MBOAT2: variants seen among roughly 807,000 people sequenced by gnomAD.
The protein encoded by MBOAT2 is membrane-bound glycerophospholipid O-acyltransferase 2.
Under a neutral mutation model 63.4 loss-of-function variants are expected in MBOAT2, and 28 were observed. That is an observed-to-expected ratio of 0.44 (90% confidence interval 0.33 to 0.61). MBOAT2 has a LOEUF of 0.61. Ranked by LOEUF, MBOAT2 falls within the 20% of genes least tolerant of loss-of-function variation. MBOAT2 has a pLI of 0.03. For missense variants in MBOAT2, 470 were observed against 605.8 expected, an observed-to-expected ratio of 0.78 and a Z score of 2.35; for synonymous variants, 211 against 215.6, an observed-to-expected ratio of 0.98 and a Z score of 0.19.
chr2:8,940,206 G>C (rs769707673), intron 3 of MBOAT2, among the ~76,000 whole-genome samples: 13 of 152,134 alleles, frequency 8.5e-5, no homozygotes, highest in Non-Finnish European at 1.3e-4. Context: ...AATATAAAGA[G>C]AAGGAACGGA....
In MBOAT2 at chr2:8,873,295, C is replaced by T. The variant is rs370941926; in HGVS notation, c.696G>A (p.Ala232=). The T allele has an allele frequency of 4.9e-5, 79 of 1,611,940 alleles. No homozygotes were observed. The highest frequency in any genetic ancestry group is 3.3e-4 in the Middle Eastern group (2 of 6,070). Residue 232 remains alanine (A), a synonymous_variant, in exon 8 of 13, where the codon GCG becomes GCA. Transcript: ENST00000305997. Reference sequence around the variant, plus strand: ...CACAAACTAAGAGCTTCTGAACAACCGCAGTCTGAAAAGCGCAAGGCGAGA... The same window carrying T: ...CACAAACTAAGAGCTTCTGAACAACTGCAGTCTGAAAAGCGCAAGGCGAGA... The part of the protein sequence containing the change: ...YERTEPSPNT[A]VVQKLLVCGL...
intron 1 of MBOAT2, among the ~76,000 whole-genome samples, chr2:8,969,594 G>T (rs1334030184): frequency 6.6e-6 from 1 of 152,112 alleles, no homozygotes; most frequent in Non-Finnish European, 1.5e-5. Context: ...ACAGAGTCAA[G>T]ACCCACCAGT....
At chr2:8,872,070 C>A (rs1354716232) in intron 8 of MBOAT2, among the ~76,000 whole-genome samples, 2 of 152,210 alleles carry the variant, frequency 1.3e-5, no homozygotes, top group Non-Finnish European at 1.5e-5. Flanking sequence ...CTGCCTGAAG[C>A]CTTTTGTGGC....
At chr2:8,948,874 G>C (rs1437256206) in intron 2 of MBOAT2, among the ~76,000 whole-genome samples, 1 of 152,152 alleles carries the variant, frequency 6.6e-6, no homozygotes, top group African/African-American at 2.4e-5. Flanking sequence ...GGGATTGCTG[G>C]GTCAAACGGT....
intron 3 of MBOAT2, among the ~76,000 whole-genome samples, chr2:8,914,845 C>T (rs978572591): frequency 4.0e-5 from 6 of 149,314 alleles, no homozygotes; most frequent in Admixed American, 2.7e-4. Context: ...ATTATTTTGG[C>T]TATATTGGGT....
chr2:8,972,196 C>A (rs1001686636), intron 1 of MBOAT2, among the ~76,000 whole-genome samples: 4 of 151,984 alleles, frequency 2.6e-5, no homozygotes, highest in Admixed American at 2.6e-4. Context: ...CAGAACAGAG[C>A]CCTCAGAAAT....
At chr2:8,871,313 A>G (rs912067160) in intron 8 of MBOAT2, among the ~76,000 whole-genome samples, 6 of 152,152 alleles carry the variant, frequency 3.9e-5, no homozygotes, top group African/African-American at 7.2e-5. Flanking sequence ...TAAATCTTGT[A>G]TATTTTTACA....
chr2:8,926,255 C>T (rs1257444061), intron 3 of MBOAT2, among the ~76,000 whole-genome samples: 3 of 152,132 alleles, frequency 2.0e-5, no homozygotes, highest in African/African-American at 7.2e-5. Context: ...CAGCCTTCTA[C>T]ATAGCTGGGA....
At chr2:8,913,161 C>A (rs1329958741) in intron 3 of MBOAT2, among the ~76,000 whole-genome samples, 2 of 152,096 alleles carry the variant, frequency 1.3e-5, no homozygotes, top group Non-Finnish European at 2.9e-5. Context: ...GCATCCTCAT[C>A]TCTCACCTTA....
intron 1 of MBOAT2, among the ~76,000 whole-genome samples, chr2:8,978,226 C>T (rs1670956679): frequency 6.6e-6 from 1 of 152,116 alleles, no homozygotes; most frequent in Non-Finnish European, 1.5e-5. Context: ...GTCTCCAACA[C>T]ACTCAACTCA....
intron 4 of MBOAT2, among the ~76,000 whole-genome samples, chr2:8,898,019 C>T (rs1311569632): frequency 2.0e-5 from 3 of 152,136 alleles, no homozygotes; most frequent in Admixed American, 6.5e-5. Flanking sequence ...AGACGGCCAC[C>T]GCCACAACTA....
At chr2:8,898,033 G>C (rs775255400) in intron 4 of MBOAT2, among the ~76,000 whole-genome samples, 1 of 152,124 alleles carries the variant, frequency 6.6e-6, no homozygotes, top group Admixed American at 6.5e-5. Context: ...ACAACTATCC[G>C]TAAACAGTGA....
chr2:8,971,153 A>C (rs1390375869), intron 1 of MBOAT2, among the ~76,000 whole-genome samples: 1 of 152,224 alleles, frequency 6.6e-6, no homozygotes, highest in Non-Finnish European at 1.5e-5. Context: ...CAGCACACCA[A>C]AAAGCTTATC....
intron 5 of MBOAT2, 47 bp downstream of exon 5, chr2:8,887,971 T>G (rs764427840): frequency 6.5e-7 from 1 of 1,536,150 alleles, no homozygotes; most frequent in Non-Finnish European, 9.0e-7. Flanking sequence ...AAAAGATTAT[T>G]GGAATTAAAT....
chr2:8,864,603 C>A (rs1661729390), intron 9 of MBOAT2, among the ~76,000 whole-genome samples: 1 of 152,126 alleles, frequency 6.6e-6, no homozygotes, highest in Admixed American at 6.5e-5. Flanking sequence ...TCCCGCCAAG[C>A]TCCGCCATGG....
chr2:8,882,437 T>A (rs1348331364), intron 6 of MBOAT2, 74 bp downstream of exon 6: 1 of 1,447,172 alleles, frequency 6.9e-7, no homozygotes, highest in Non-Finnish European at 9.7e-7. Context: ...CTAGTCAGCC[T>A]CAGCCACAGA....
intron 4 of MBOAT2, among the ~76,000 whole-genome samples, chr2:8,900,457 C>A (rs1005905583): frequency 6.6e-6 from 1 of 152,156 alleles, no homozygotes; most frequent in Non-Finnish European, 1.5e-5. Flanking sequence ...CTGAAAACTT[C>A]CCCAGGTCTG....
chr2:8,974,415 G>A (rs991583313), intron 1 of MBOAT2: 14 of 456,368 alleles, frequency 3.1e-5, no homozygotes, highest in African/African-American at 2.0e-4. Context: ...AAAGACACCC[G>A]GGAATCATGT....
chr2:8,865,999 C>T (rs1056724465), intron 9 of MBOAT2, among the ~76,000 whole-genome samples: 4 of 151,928 alleles, frequency 2.6e-5, no homozygotes, highest in Admixed American at 6.6e-5. Flanking sequence ...ATCGCGCCAC[C>T]GCACTCCAGC....
Sources: allele counts gnomAD v4.1 joint callset (sites outside exome capture counted in the v4.1 genomes callset), GRCh38; gene constraint gnomAD v4.1.1; transcripts MANE v1.5; gene names NCBI Gene and HGNC (gene_info 2026-07-23, HGNC 2026-07-21).